DNM3: variants seen among roughly 807,000 people sequenced by gnomAD.
DNM3 encodes the protein dynamin-3.
A neutral mutation model predicts 101.6 loss-of-function variants in DNM3; 47 were observed. The ratio of observed to expected loss-of-function variants is 0.46; its 90% CI spans 0.37 to 0.59. The LOEUF (loss-of-function observed/expected upper bound fraction) is 0.59. DNM3 is among the 20% of genes least tolerant of loss of function. DNM3 has a pLI of 0.00. For synonymous variants in DNM3, 385 were observed against 387.9 expected (o/e 0.99, Z 0.09); for missense variants, 849 against 1,085.7 (o/e 0.78, Z 3.06).
At position 171,947,139 on chromosome 1, in the gene DNM3, G is replaced by A. The variant is rs116739653; in HGVS notation, c.235+25318G>A. Among the ~76,000 whole-genome samples, 1,290 of 152,256 alleles carry A rather than the reference G, an allele frequency of 8.5e-3. 12 individuals are homozygous for A. Among genetic ancestry groups the A allele is most frequent in the African/African-American group, 0.029 (1,221 of 41,558 alleles). ...TGCAGTGGTGGGATTACCTTGCAGTGGGAGCTATCAGAAGTGACACAAGAG... is the reference window on the plus strand; with the variant it reads ...TGCAGTGGTGGGATTACCTTGCAGTAGGAGCTATCAGAAGTGACACAAGAG... On this transcript the variant is annotated intron_variant, in intron 2 of 20. Coordinates refer to ENST00000627582, the MANE Select transcript of DNM3 (RefSeq NM_015569.5).
At chr1:172,225,799 A>G (rs2061096300) in intron 14 of DNM3, among the ~76,000 whole-genome samples, 1 of 151,904 alleles carries the variant, frequency 6.6e-6, no homozygotes, top group African/African-American at 2.4e-5. Context: ...CCATTCAGAG[A>G]AAACCTCTTT....
intron 15 of DNM3, among the ~76,000 whole-genome samples, chr1:172,267,357 T>C (rs986748885): frequency 6.6e-6 from 1 of 152,186 alleles, no homozygotes; most frequent in Non-Finnish European, 1.5e-5. Context: ...AAGGCATTCT[T>C]AAAGTAAGTA....
chr1:172,260,114 AC>A (rs551134759), intron 15 of DNM3, among the ~76,000 whole-genome samples: 10 of 152,110 alleles, frequency 6.6e-5, no homozygotes, highest in Non-Finnish European at 1.0e-4. Context: ...TTTGGCTAGC[AC>A]ATTTTTTCTT....
Position 172,300,369 on chromosome 1 carries a change from G to C in DNM3, c.1770-8359G>C, listed in dbSNP as rs1323726118. On this transcript the variant is annotated intron_variant, in intron 15 of 20. Coordinates refer to ENST00000627582, the MANE Select transcript of DNM3 (RefSeq NM_015569.5). ...TTACCCTATTGATAGTTTCTTTTTTGCTGTCTAGGAGATCTTTCGTTTAAT... is the reference window on the plus strand; with the variant it reads ...TTACCCTATTGATAGTTTCTTTTTTCCTGTCTAGGAGATCTTTCGTTTAAT... 2.6e-5 allele frequency among the ~76,000 whole-genome samples: 4 copies of C among 151,746 alleles called. No homozygotes were observed. The East Asian group carries it at 7.7e-4, about 29-fold the overall frequency.
At chr1:172,035,092 G>A (rs1415840202) in intron 6 of DNM3, among the ~76,000 whole-genome samples, 1 of 152,100 alleles carries the variant, frequency 6.6e-6, no homozygotes, top group Non-Finnish European at 1.5e-5. Flanking sequence ...AAAAGGGGCG[G>A]GTTTGAGAAA....
chr1:172,078,700 G>T (rs1178193666), intron 11 of DNM3, among the ~76,000 whole-genome samples: 2 of 152,148 alleles, frequency 1.3e-5, no homozygotes, highest in Admixed American at 1.3e-4. Context: ...ATTAGTTGAT[G>T]CAGTTTCTTT....
chr1:171,882,450 C>G (rs1446811618), intron 1 of DNM3, among the ~76,000 whole-genome samples: 2 of 151,534 alleles, frequency 1.3e-5, no homozygotes, highest in African/African-American at 4.9e-5. Context: ...CACACACACA[C>G]ACACACACAC....
chr1:172,283,030 C>T (rs201479783), intron 15 of DNM3, among the ~76,000 whole-genome samples: 15 of 152,302 alleles, frequency 9.8e-5, no homozygotes, highest in East Asian at 5.8e-4. Flanking sequence ...CATCTTAGAG[C>T]GTTGCTAGTT....
intron 14 of DNM3, among the ~76,000 whole-genome samples, chr1:172,211,716 A>C (rs965250156): frequency 6.6e-6 from 1 of 151,920 alleles, no homozygotes; most frequent in Non-Finnish European, 1.5e-5. Flanking sequence ...GAAAGGAAAA[A>C]CTCTGGATGT....
At chr1:172,150,926 T>G (rs1355671817) in intron 14 of DNM3, among the ~76,000 whole-genome samples, 1 of 152,188 alleles carries the variant, frequency 6.6e-6, no homozygotes, top group African/African-American at 2.4e-5. Context: ...AGAATCTTTT[T>G]GAAAAGCCAT....
chr1:171,887,995 C>T (rs1011729786), intron 1 of DNM3, among the ~76,000 whole-genome samples: 1 of 151,072 alleles, frequency 6.6e-6, no homozygotes, highest in African/African-American at 2.4e-5. Flanking sequence ...TCTCTGAAAC[C>T]TGTCTTGTAT....
intron 1 of DNM3, among the ~76,000 whole-genome samples, chr1:171,896,822 C>T (rs1558230115): frequency 6.6e-6 from 1 of 152,222 alleles, no homozygotes; most frequent in East Asian, 1.9e-4. Context: ...AGAGTAGATA[C>T]TAATTCGAAT....
At chr1:172,176,758 A>G (rs2059165855) in intron 14 of DNM3, among the ~76,000 whole-genome samples, 1 of 151,890 alleles carries the variant, frequency 6.6e-6, no homozygotes, top group Admixed American at 6.6e-5. Flanking sequence ...GTAGGTTGAG[A>G]GGGATTGTGT....
At chr1:172,305,573 C>G (rs750350245) in intron 15 of DNM3, among the ~76,000 whole-genome samples, 22 of 151,834 alleles carry the variant, frequency 1.4e-4, no homozygotes, top group Non-Finnish European at 2.2e-4. Flanking sequence ...GGCAGAGACA[C>G]AACAAAAAAA....
intron 14 of DNM3, chr1:172,133,496 TGGAA>T: frequency 2.2e-6 from 2 of 902,450 alleles, no homozygotes; most frequent in Non-Finnish European, 2.7e-6. Flanking sequence ...TTGAAATAAA[TGGAA>T]TTATTTAGAT....
At chr1:172,274,471 C>A (rs1049769449) in intron 15 of DNM3, among the ~76,000 whole-genome samples, 9 of 152,064 alleles carry the variant, frequency 5.9e-5, no homozygotes, top group Non-Finnish European at 1.0e-4. Context: ...GGGCTTCAGT[C>A]TCAAATGAGA....
At chr1:172,104,574 T>A (rs191103160) in intron 13 of DNM3, among the ~76,000 whole-genome samples, 132 of 152,274 alleles carry the variant, frequency 8.7e-4, no homozygotes, top group African/African-American at 2.5e-3. Context: ...CCTTTTATCA[T>A]ATTTATTAAC....
At chr1:172,218,384 G>C (rs1478003602) in intron 14 of DNM3, among the ~76,000 whole-genome samples, 1 of 151,908 alleles carries the variant, frequency 6.6e-6, no homozygotes, top group Non-Finnish European at 1.5e-5. Context: ...TGTTACACTG[G>C]TAACATTAAA....
Position 172,407,980 on chromosome 1 carries a change from G to T in DNM3, c.*139G>T. On this transcript the variant is annotated 3_prime_UTR_variant, in exon 21 of 21. Coordinates refer to ENST00000627582, the MANE Select transcript of DNM3 (RefSeq NM_015569.5). ...AACCAGTTTTACTAATGCATTCATCGCTCATCTTCATTGCTCATGGTATGT... is the reference window on the plus strand; with the variant it reads ...AACCAGTTTTACTAATGCATTCATCTCTCATCTTCATTGCTCATGGTATGT... The T allele has an allele frequency of 6.5e-7, 1 of 1,528,978 alleles. No individual in the cohort carries two copies. 94.7% of individuals were successfully genotyped at this position (1,528,978 alleles called of 1,614,324 possible).
Sources: gnomAD v4.1 joint callset for allele counts (sites outside exome capture counted in the v4.1 genomes callset) on GRCh38, gnomAD v4.1.1 for gene constraint, MANE v1.5 for transcripts, NCBI Gene and HGNC (gene_info 2026-07-23, HGNC 2026-07-21) for gene names.